The following NR1D2 variants were observed in gnomAD, a reference collection of about 807,000 sequenced individuals.
The protein encoded by NR1D2 is nuclear receptor subfamily 1 group D member 2.
In NR1D2, 25 loss-of-function variants were observed where a neutral mutation model predicts 52.2. The ratio of observed to expected loss-of-function variants is 0.48; its 90% confidence interval spans 0.35 to 0.67. The LOEUF (loss-of-function observed/expected upper bound fraction) is 0.67. Among genes scored for constraint, NR1D2 ranks in the 30% least tolerant of loss-of-function variants. The probability of loss-of-function intolerance (pLI) is 0.01; values close to 1 mark genes in which losing one functional copy is unlikely to be tolerated. For synonymous variants in NR1D2, 259 were observed against 230.1 expected, an observed-to-expected ratio of 1.13 and a Z score of -1.14; for missense variants, 681 against 707.2, an observed-to-expected ratio of 0.96 and a Z score of 0.42.
In NR1D2 at chr3:23,954,745, T is replaced by G; in HGVS notation, c.225T>G (p.Ser75=). ...TGAAGAATGATCGAATAGATTGTTC[T>G]ATGAAAACAAGCAAATCGAGTGCAC... is the stretch of plus-strand genomic sequence containing the variant. The part of the protein sequence containing the change: ...GILKNDRIDC[S]MKTSKSSAPG... The change falls in exon 2 of 8, where the codon TCT becomes TCG. Residue 75 remains serine, a synonymous_variant. Coordinates refer to ENST00000312521, the MANE Select transcript of NR1D2 (RefSeq NM_005126.5). The G allele has an allele frequency of 6.2e-7, 1 of 1,614,176 alleles. No homozygotes were observed. The highest frequency in any genetic ancestry group is 8.5e-7 in the Non-Finnish European group (1 of 1,180,004).
At chr3:23,971,057 A>C (rs1448470406) in intron 7 of NR1D2, among the ~76,000 whole-genome samples, 18 of 152,186 alleles carry the variant, frequency 1.2e-4, no homozygotes, top group Non-Finnish European at 2.1e-4. Flanking sequence ...CTGGGATTAC[A>C]GGCATGAGCC....
At chr3:23,968,191 A>G (rs1486983241) in intron 7 of NR1D2, among the ~76,000 whole-genome samples, 168 bp downstream of exon 7, 1 of 152,246 alleles carries the variant, frequency 6.6e-6, no homozygotes, top group African/African-American at 2.4e-5. Context: ...TTTTCGTTAT[A>G]ACAATATATG....
chr3:23,948,337 T>TG (rs1294357717), intron 1 of NR1D2, among the ~76,000 whole-genome samples: 3 of 151,934 alleles, frequency 2.0e-5, no homozygotes, highest in East Asian at 3.9e-4. Flanking sequence ...GTAAAAGACT[T>TG]GGAAAAAAAT....
intron 1 of NR1D2, among the ~76,000 whole-genome samples, 156 bp downstream of exon 1, chr3:23,945,750 GC>G (rs1214173747): frequency 1.3e-5 from 2 of 150,108 alleles, no homozygotes; most frequent in Non-Finnish European, 3.0e-5. Context: ...GGTTCCCATC[GC>G]CCCCCGGGCC....
chr3:23,970,480 G>C (rs1366180729), intron 7 of NR1D2, among the ~76,000 whole-genome samples: 1 of 152,118 alleles, frequency 6.6e-6, no homozygotes, highest in African/African-American at 2.4e-5. Flanking sequence ...GGAAAAAAAA[G>C]GTTATAATAT....
chr3:23,955,431 G>GA (rs890606760), intron 2 of NR1D2, among the ~76,000 whole-genome samples: 1 of 151,918 alleles, frequency 6.6e-6, no homozygotes, highest in Non-Finnish European at 1.5e-5. Flanking sequence ...GACAGGTCTG[G>GA]AAAAAAAATA....
intron 4 of NR1D2, among the ~76,000 whole-genome samples, chr3:23,961,577 G>T (rs1166503655): frequency 1.3e-5 from 2 of 151,534 alleles, no homozygotes; most frequent in African/African-American, 4.8e-5. Flanking sequence ...TGTTTTTTTA[G>T]TAGAGACGGG....
At chr3:23,946,220 C>T (rs1018976733) in intron 1 of NR1D2, 18 of 985,318 alleles carry the variant, frequency 1.8e-5, no homozygotes, top group Non-Finnish European at 2.0e-5. Flanking sequence ...GCTGACACCG[C>T]AGTGCACCGG....
rs1291672474 is a variant in NR1D2 at position 23,969,023 on chromosome 3, G to A, written c.1543+1000G>A. Among the ~76,000 whole-genome samples the A allele has an allele frequency of 2.6e-5, 4 of 152,238 alleles. No individual in the cohort carries two copies. The East Asian group carries it at 7.7e-4, about 29-fold the overall frequency. On this transcript the variant is annotated intron_variant, in intron 7 of 7. Transcript: ENST00000312521. Reference sequence around the variant, plus strand: ...TCTTGGCCAGGCGCCAGGGGTGCACGCCTGTAATCCCAGCACTTTGGGAGG... The same window carrying A: ...TCTTGGCCAGGCGCCAGGGGTGCACACCTGTAATCCCAGCACTTTGGGAGG...
At position 23,954,766 on chromosome 3, in the gene NR1D2, T is replaced by G; in HGVS notation, c.246T>G (p.Ser82Arg). 6.2e-7 allele frequency: 1 copy of G among 1,614,144 alleles called. No individual in the cohort carries two copies. The highest frequency in any genetic ancestry group is 8.5e-7 in the Non-Finnish European group (1 of 1,180,012). ...GTTCTATGAAAACAAGCAAATCGAG[T>G]GCACCTGGGATGACAAAAAGTCATA... ...IDCSMKTSKS[S>R]APGMTKSHSG... Residue 82 changes from serine (S) to arginine (R), a missense_variant, in exon 2 of 8, where the codon AGT (serine) becomes AGG (arginine). Physicochemically the swap from Ser to Arg is moderately radical, Grantham distance 110 (BLOSUM62 -1). Around this residue, in one of 3 missense-constraint regions of NR1D2, gnomAD observed 112 missense variants for 162.3 expected, o/e 0.69. Transcript: ENST00000312521.
At chr3:23,959,254 A>G (rs1038918888) in intron 3 of NR1D2, among the ~76,000 whole-genome samples, 3 of 145,440 alleles carry the variant, frequency 2.1e-5, no homozygotes, top group Non-Finnish European at 4.5e-5. Context: ...ACAGAACGAG[A>G]TCCTATCTCA....
chr3:23,963,528 C>T (rs907036164), intron 5 of NR1D2: 2 of 309,702 alleles, frequency 6.5e-6, no homozygotes, highest in Non-Finnish European at 9.4e-6. Flanking sequence ...CAGCTCATTG[C>T]AACCTCCACC....
intron 1 of NR1D2, among the ~76,000 whole-genome samples, chr3:23,951,991 C>T (rs1705946511): frequency 6.6e-6 from 1 of 152,158 alleles, no homozygotes; most frequent in Non-Finnish European, 1.5e-5. Flanking sequence ...TTCCAGGGAG[C>T]ACAGATGAAG....
chr3:23,971,062 T>G (rs1706575842), intron 7 of NR1D2, among the ~76,000 whole-genome samples: 1 of 152,122 alleles, frequency 6.6e-6, no homozygotes, highest in Non-Finnish European at 1.5e-5. Flanking sequence ...ATTACAGGCA[T>G]GAGCCACCGT....
intron 3 of NR1D2, among the ~76,000 whole-genome samples, chr3:23,956,717 A>G (rs1305386032): frequency 6.6e-6 from 1 of 152,208 alleles, no homozygotes; most frequent in Non-Finnish European, 1.5e-5. Flanking sequence ...CTATTAGAGT[A>G]TTGGTCAAAT....
chr3:23,945,808 T>TG, intron 1 of NR1D2, among the ~76,000 whole-genome samples: 1 of 149,924 alleles, frequency 6.7e-6, no homozygotes, highest in African/African-American at 2.4e-5. Flanking sequence ...CAGCGCGGCC[T>TG]GCCGGCGCCC....
intron 3 of NR1D2, among the ~76,000 whole-genome samples, chr3:23,959,137 G>A (rs962833766): frequency 5.3e-5 from 8 of 151,928 alleles, no homozygotes; most frequent in Admixed American, 1.3e-4. Flanking sequence ...GTGTGGTGGC[G>A]CATGCCTGTA....
At chr3:23,961,451 A>G (rs567945888) in intron 4 of NR1D2, among the ~76,000 whole-genome samples, 8 of 122,888 alleles carry the variant, frequency 6.5e-5, no homozygotes, top group Admixed American at 4.5e-4. Flanking sequence ...GCTGGAGTGC[A>G]TTGGCACCAT....
At chr3:23,958,099 T>C (rs1308567688) in intron 3 of NR1D2, among the ~76,000 whole-genome samples, 1 of 152,226 alleles carries the variant, frequency 6.6e-6, no homozygotes, top group African/African-American at 2.4e-5. Flanking sequence ...ATTGTTTGTG[T>C]GTGGAGTAAA....
Sources: allele counts gnomAD v4.1 joint callset (sites outside exome capture counted in the v4.1 genomes callset), GRCh38; gene constraint gnomAD v4.1.1; regional missense constraint gnomAD v4.1.1; transcripts MANE v1.5; gene names NCBI Gene and HGNC (gene_info 2026-07-23, HGNC 2026-07-21).